THSD4: variants seen among roughly 807,000 people sequenced by gnomAD.
THSD4 encodes the protein thrombospondin type-1 domain-containing protein 4.
Under a neutral mutation model 119.0 loss-of-function variants are expected in THSD4, and 69 were observed. The observed-to-expected ratio is 0.58, with a 90% CI of 0.48 to 0.71. The LOEUF (loss-of-function observed/expected upper bound fraction) is 0.71, where lower values mean the gene tolerates loss of function less well. Among genes scored for constraint, THSD4 ranks in the 30% least tolerant of loss-of-function variants. The pLI is 0.00. For missense variants in THSD4, 1,393 were observed against 1,391.1 expected, an observed-to-expected ratio of 1.00 and a Z score of -0.02; for synonymous variants, 524 against 540.4, an observed-to-expected ratio of 0.97 and a Z score of 0.42.
upstream of THSD4, chr15:71,112,218 T>C: frequency 1.2e-6 from 2 of 1,612,976 alleles, no homozygotes; most frequent in Non-Finnish European, 1.7e-6. Context: ...GGTGTGGCTG[T>C]AGGCAGAGGG....
chr15:71,313,771 G>A (rs556893392), intron 6 of THSD4, among the ~76,000 whole-genome samples: 1 of 152,046 alleles, frequency 6.6e-6, no homozygotes, highest in Non-Finnish European at 1.5e-5. Flanking sequence ...GCTGTGTCTC[G>A]CGGTCTCCCT....
intron 6 of THSD4, among the ~76,000 whole-genome samples, chr15:71,390,784 T>C (rs1043995779): frequency 1.1e-4 from 16 of 152,008 alleles, no homozygotes; most frequent in Non-Finnish European, 2.4e-4. Context: ...TATATTGGGC[T>C]TTCAAAGAAA....
rs1461051555 is a variant in THSD4, at chr15:71,287,597, A to G, written c.1015+30882A>G. The stretch of plus-strand genomic sequence containing the variant: ...ATGTTCCTGGGAAAAGCCCTTAGCC[A>G]GAAGGCTTAAAACCAGATAGAAACT... On this transcript the variant is annotated intron_variant, in intron 6 of 17. Transcript: ENST00000261862. Among the ~76,000 whole-genome samples the G allele has an allele frequency of 5.3e-5, 8 of 152,350 alleles. No individual in the cohort carries two copies. In the East Asian group the frequency reaches 1.4e-3, roughly 26 times the overall value.
At chr15:71,503,911 C>T (rs986418875) in intron 7 of THSD4, among the ~76,000 whole-genome samples, 3 of 152,202 alleles carry the variant, frequency 2.0e-5, no homozygotes, top group African/African-American at 7.2e-5. Flanking sequence ...AAAATGGAAT[C>T]TTTGTCTGTG....
intron 7 of THSD4, among the ~76,000 whole-genome samples, chr15:71,607,848 T>G (rs1203822144): frequency 6.6e-6 from 1 of 152,146 alleles, no homozygotes; most frequent in African/African-American, 2.4e-5. Flanking sequence ...AGGACTCATG[T>G]GTTATGTGCC....
chr15:71,418,232 A>G (rs913807465), intron 7 of THSD4, among the ~76,000 whole-genome samples: 1 of 107,864 alleles, frequency 9.3e-6, no homozygotes, highest in East Asian at 3.1e-4. Context: ...GTCCTTTCCA[A>G]TTTGGATGCC....
rs1478674507 is a variant in THSD4, at chr15:71,713,715, C to T, written c.1358-14834C>T. ...TAAGTCTCTCATCCTGCCTCTACCC[C>T]AGATAAATTCATTTCCAACTTCTAC... On this transcript the variant is annotated intron_variant, in intron 8 of 17. Transcript: ENST00000261862. 2.6e-5 allele frequency among the ~76,000 whole-genome samples: 4 copies of T among 152,126 alleles called. No individual in the cohort carries two copies. In the South Asian group the frequency reaches 8.3e-4, roughly 32 times the overall value.
intron 7 of THSD4, among the ~76,000 whole-genome samples, chr15:71,574,311 G>T (rs944976090): frequency 1.3e-5 from 2 of 152,166 alleles, no homozygotes; most frequent in African/African-American, 4.8e-5. Flanking sequence ...AACCCTGGTA[G>T]ATATTATTGT....
upstream of THSD4, chr15:71,111,145 A>G: frequency 6.2e-7 from 1 of 1,604,850 alleles, no homozygotes; most frequent in Non-Finnish European, 8.5e-7. Context: ...GGTAACAAGA[A>G]CCTTCCTATC....
chr15:71,222,336 G>T (rs1193696734), intron 4 of THSD4, among the ~76,000 whole-genome samples: 2 of 152,162 alleles, frequency 1.3e-5, no homozygotes, highest in Non-Finnish European at 2.9e-5. Context: ...CCGATATCAG[G>T]CAAGCTTTCC....
intron 1 of THSD4, among the ~76,000 whole-genome samples, chr15:71,129,413 A>T (rs2040483146): frequency 6.6e-6 from 1 of 152,226 alleles, no homozygotes; most frequent in African/African-American, 2.4e-5. Context: ...GGAAGACAGA[A>T]GAGACAGGAA....
intron 7 of THSD4, among the ~76,000 whole-genome samples, chr15:71,520,430 G>A (rs1157936906): frequency 2.0e-5 from 3 of 152,136 alleles, no homozygotes; most frequent in Non-Finnish European, 2.9e-5. Flanking sequence ...CTTCCCGTGG[G>A]GTGGGGCCCA....
intron 7 of THSD4, among the ~76,000 whole-genome samples, chr15:71,474,972 G>C (rs2140649760): frequency 6.6e-6 from 1 of 152,284 alleles, no homozygotes; most frequent in Non-Finnish European, 1.5e-5. Context: ...CTGGGAACTT[G>C]TTAGGAATGG....
chr15:71,122,586 T>C (rs2141354301), intron 1 of THSD4, among the ~76,000 whole-genome samples: 1 of 152,364 alleles, frequency 6.6e-6, no homozygotes, highest in African/African-American at 2.4e-5. Context: ...TTCTCCTTGA[T>C]ATCGGCTTAT....
Position 71,777,467 on chromosome 15 carries a change from C to A in THSD4, c.*93C>A, listed in dbSNP as rs891149771. 1.3e-6 allele frequency: 2 copies of A among 1,494,076 alleles called. No homozygotes were observed. Among genetic ancestry groups the A allele is most frequent in the African/African-American group, 2.8e-5 (2 of 71,972 alleles). 92.6% of individuals were successfully genotyped at this position (1,494,076 alleles called of 1,614,324 possible). On this transcript the variant is annotated 3_prime_UTR_variant, in exon 18 of 18. Coordinates refer to ENST00000261862, the MANE Select transcript of THSD4 (RefSeq NM_024817.3). The stretch of plus-strand genomic sequence containing the variant: ...TGGCTGCTGCTCCACCACGGGCCCC[C>A]TGGCCCAGGCGCTGCCAACCAACTT...
chr15:71,757,987 G>A lies in THSD4; in HGVS notation c.2501G>A (p.Cys834Tyr). The A allele has an allele frequency of 6.2e-7, 1 of 1,614,136 alleles. No homozygotes were observed. The highest frequency in any genetic ancestry group is 8.5e-7 in the Non-Finnish European group (1 of 1,180,028). ...NHVSSLPLEG[C>Y]GNNRPAEATP... The stretch of plus-strand genomic sequence containing the variant: ...GTCAGCAGCCTGCCCCTGGAGGGCT[G>A]TGGGAACAACCGGCCGGCAGAGGCC... The change falls in exon 15 of 18, where the codon TGT becomes TAT. Residue 834 changes from cysteine (C) to tyrosine (Y), a missense_variant. By Grantham distance (194) the Cys-to-Tyr change is radical. Coordinates refer to ENST00000261862, the MANE Select transcript of THSD4 (RefSeq NM_024817.3).
chr15:71,701,916 A>AG (rs1567108916), intron 8 of THSD4, among the ~76,000 whole-genome samples: 2 of 152,012 alleles, frequency 1.3e-5, no homozygotes. Flanking sequence ...GATTTAAAAA[A>AG]AATTAAAATT....
chr15:71,123,163 CAG>C (rs1230128903), intron 1 of THSD4, among the ~76,000 whole-genome samples: 5 of 152,208 alleles, frequency 3.3e-5, no homozygotes, highest in Admixed American at 3.3e-4. Flanking sequence ...TCAGTGTCCA[CAG>C]AGGTCTCTTG....
At chr15:71,715,772 T>TG (rs956791339) in intron 8 of THSD4, among the ~76,000 whole-genome samples, 2 of 64,622 alleles carry the variant, frequency 3.1e-5, no homozygotes, top group Admixed American at 2.8e-4. Flanking sequence ...AATTAGGCTC[T>TG]GGGTTTTTTT....
Sources: allele counts gnomAD v4.1 joint callset (sites outside exome capture counted in the v4.1 genomes callset), GRCh38; gene constraint gnomAD v4.1.1; transcripts MANE v1.5; gene names NCBI Gene and HGNC (gene_info 2026-07-23, HGNC 2026-07-21).